ACTN1: variants seen among roughly 807,000 people sequenced by gnomAD.
ACTN1 encodes the protein actinin alpha 1.
In ACTN1, 30 loss-of-function variants were observed where a neutral mutation model predicts 119.6. That is an observed-to-expected ratio of 0.25 (90% CI 0.19 to 0.34). ACTN1 has a LOEUF of 0.34. ACTN1 is among the 10% of genes least tolerant of loss of function. The pLI is 1.00. For synonymous variants in ACTN1, 429 were observed against 472.6 expected, an observed-to-expected ratio of 0.91 and a Z score of 1.20; for missense variants, 764 against 1,223.4, an observed-to-expected ratio of 0.62 and a Z score of 5.60.
chr14:68,886,066 C>T (rs77458412), intron 11 of ACTN1: 20,748 of 153,498 alleles, frequency 0.14, 1,687 homozygotes, highest in African/African-American at 0.22. Context: ...TTCTCTGACC[C>T]TCAGACACAC....
chr14:68,976,909 G>A (rs1403265261), intron 1 of ACTN1, among the ~76,000 whole-genome samples: 1 of 152,186 alleles, frequency 6.6e-6, no homozygotes, highest in Non-Finnish European at 1.5e-5. Context: ...AAGGCCTGGG[G>A]CACACCCACT....
chr14:68,919,624 G>A (rs1447440591), intron 3 of ACTN1, among the ~76,000 whole-genome samples: 4 of 152,210 alleles, frequency 2.6e-5, no homozygotes, highest in African/African-American at 9.6e-5. Flanking sequence ...TTCTGCCTTT[G>A]AGAAGCTCAC....
At chr14:68,916,844 CCTT>C (rs1389119734) in intron 3 of ACTN1, among the ~76,000 whole-genome samples, 5 of 152,200 alleles carry the variant, frequency 3.3e-5, no homozygotes, top group African/African-American at 9.7e-5. Context: ...GTTTCTCCCT[CCTT>C]CTCTCTCCAG....
chr14:68,882,759 T>C lies in ACTN1; in HGVS notation c.1818+114A>G, dbSNP rs1594756039. The C allele has an allele frequency of 1.3e-6, 2 of 1,512,410 alleles. No homozygotes were observed. The highest frequency in any genetic ancestry group is 4.5e-5 in the East Asian group (2 of 44,086). 93.7% of individuals were successfully genotyped at this position (1,512,410 alleles called of 1,614,324 possible). ...AGTCATTTGACATTTGGACAAACAA[T>C]GAGTGTTTACTATATGACAATTTTA... On this transcript the variant is annotated intron_variant, in intron 15 of 21. Coordinates refer to ENST00000394419, the MANE Select transcript of ACTN1 (RefSeq NM_001130004.2). This position sits in a 1 kb window ranked among gnomAD's most constrained non-coding sequence, Gnocchi z 4.5.
chr14:68,906,084 A>G (rs901847203), intron 6 of ACTN1, among the ~76,000 whole-genome samples: 1 of 152,134 alleles, frequency 6.6e-6, no homozygotes, highest in African/African-American at 2.4e-5. Context: ...GGGGCAGGAA[A>G]GAACGGGGAA....
chr14:68,932,341 T>C (rs1288034766), intron 1 of ACTN1, among the ~76,000 whole-genome samples: 1 of 151,746 alleles, frequency 6.6e-6, no homozygotes, highest in African/African-American at 2.4e-5. Context: ...GACTCCAAGT[T>C]CTTCAGCTTT....
chr14:68,921,956 T>C (rs916422220), intron 2 of ACTN1, among the ~76,000 whole-genome samples: 1 of 152,156 alleles, frequency 6.6e-6, no homozygotes, highest in Non-Finnish European at 1.5e-5. Context: ...GAGCTGGCTC[T>C]CCAAATACCC....
intron 1 of ACTN1, among the ~76,000 whole-genome samples, chr14:68,957,036 T>C (rs1376482305): frequency 6.6e-6 from 1 of 152,072 alleles, no homozygotes; most frequent in African/African-American, 2.4e-5. Flanking sequence ...CCCCCTTCTC[T>C]GCCCCAAGGA....
In ACTN1 at chr14:68,878,135, C is replaced by T. The variant is rs1285776475; in HGVS notation, c.2427+323G>A. On this transcript the variant is annotated intron_variant, in intron 20 of 21. Transcript: ENST00000394419. The surrounding 1 kb of genome is among the most constrained non-coding windows in gnomAD (Gnocchi z 4.4). Reference sequence around the variant, plus strand: ...CCATGTGAGGTGACGCATGCCAGCCCGAAACCTGGGATGTCCCACACCACC... The same window carrying T: ...CCATGTGAGGTGACGCATGCCAGCCTGAAACCTGGGATGTCCCACACCACC... The T allele has an allele frequency of 2.9e-5, 8 of 274,730 alleles. No homozygotes were observed. Among genetic ancestry groups the T allele is most frequent in the East Asian group, 2.7e-4 (4 of 14,990 alleles). 17.0% of individuals were successfully genotyped at this position (274,730 alleles called of 1,614,324 possible). A position where few individuals can be genotyped will look rare whatever the true frequency, so the allele number is the denominator to read the frequency against.
intron 1 of ACTN1, among the ~76,000 whole-genome samples, chr14:68,931,821 TAATA>T (rs2035234250): frequency 6.6e-6 from 1 of 152,090 alleles, no homozygotes; most frequent in African/African-American, 2.4e-5. Context: ...GAGTTCAACA[TAATA>T]AAGAACAGAC....
intron 8 of ACTN1, among the ~76,000 whole-genome samples, 165 bp from the exon 9 acceptor site, chr14:68,893,912 C>T (rs1332399930): frequency 1.3e-5 from 2 of 152,108 alleles, no homozygotes; most frequent in Non-Finnish European, 2.9e-5. Context: ...TACCATCCTC[C>T]TTGCCAGCCC....
chr14:68,957,435 C>T (rs1470349668), intron 1 of ACTN1, among the ~76,000 whole-genome samples: 3 of 152,246 alleles, frequency 2.0e-5, no homozygotes, highest in South Asian at 4.1e-4. Context: ...ACTCGGCCAT[C>T]AGGTGTGCCA....
At chr14:68,966,639 G>C (rs1197341785) in intron 1 of ACTN1, among the ~76,000 whole-genome samples, 1 of 152,178 alleles carries the variant, frequency 6.6e-6, no homozygotes, top group African/African-American at 2.4e-5. Flanking sequence ...AACAGAAAGG[G>C]AGCAGGAGGC....
At chr14:68,943,303 G>A (rs1350403285) in intron 1 of ACTN1, among the ~76,000 whole-genome samples, 1 of 152,320 alleles carries the variant, frequency 6.6e-6, no homozygotes, top group Non-Finnish European at 1.5e-5. Flanking sequence ...TGGGAAGAAG[G>A]GCAGCTGCAA....
intron 1 of ACTN1, among the ~76,000 whole-genome samples, chr14:68,965,603 C>T (rs2036677588): frequency 6.6e-6 from 1 of 152,236 alleles, no homozygotes; most frequent in African/African-American, 2.4e-5. Context: ...AGTTACCCTT[C>T]ACCAACACCA....
chr14:68,950,370 C>T (rs2036097893), intron 1 of ACTN1, among the ~76,000 whole-genome samples: 1 of 149,486 alleles, frequency 6.7e-6, no homozygotes, highest in African/African-American at 2.5e-5. Context: ...CATACATGTA[C>T]TTAATGCTGC....
chr14:68,911,656 T>C (rs776476385), intron 4 of ACTN1, among the ~76,000 whole-genome samples: 3 of 152,262 alleles, frequency 2.0e-5, no homozygotes, highest in Non-Finnish European at 4.4e-5. Context: ...CAAATATTAT[T>C]ATGCAAGATA....
chr14:68,970,603 G>C (rs1197782308), intron 1 of ACTN1, among the ~76,000 whole-genome samples: 1 of 152,200 alleles, frequency 6.6e-6, no homozygotes, highest in African/African-American at 2.4e-5. Flanking sequence ...GGGTGCTGCT[G>C]AATCTTAAAG....
chr14:68,880,726 G>C lies in ACTN1; in HGVS notation c.2133+84C>G. On this transcript the variant is annotated intron_variant, in intron 17 of 21. Coordinates refer to ENST00000394419, the MANE Select transcript of ACTN1 (RefSeq NM_001130004.2). This position sits in a 1 kb window ranked among gnomAD's most constrained non-coding sequence, Gnocchi z 4.6. ...TTAATTTATCCTCCAACTATGACCT[G>C]TTCCCTTGGAGACTTCCCCACCCAG... The C allele has an allele frequency of 6.3e-6, 9 of 1,424,074 alleles. No homozygotes were observed. The South Asian group carries it at 1.0e-4, about 16-fold the overall frequency. 88.2% of individuals were successfully genotyped at this position (1,424,074 alleles called of 1,614,324 possible). A position where few individuals can be genotyped will look rare whatever the true frequency, so the allele number is the denominator to read the frequency against.
Sources: gnomAD v4.1 joint callset for allele counts (sites outside exome capture counted in the v4.1 genomes callset) on GRCh38, gnomAD v4.1.1 for gene constraint, Gnocchi (gnomAD v3.1) non-coding constraint, MANE v1.5 for transcripts, NCBI Gene and HGNC (gene_info 2026-07-23, HGNC 2026-07-21) for gene names.